Variants in STK39 observed in about 807,000 individuals in gnomAD.
STK39 encodes the protein STE20/SPS1-related proline-alanine-rich protein kinase.
Under a neutral mutation model 77.8 loss-of-function variants are expected in STK39, and 20 were observed. The ratio of observed to expected loss-of-function variants is 0.26; its 90% confidence interval spans 0.18 to 0.37. STK39 has a LOEUF of 0.37. STK39 is among the 10% of genes least tolerant of loss of function. STK39 has a pLI of 1.00. For synonymous variants in STK39, 246 were observed against 234.1 expected (o/e 1.05, Z -0.47); for missense variants, 479 against 656.5 (o/e 0.73, Z 2.95).
At chr2:168,182,239 T>C (rs1241136560) in intron 1 of STK39, 149 bp from the exon 2 acceptor site, 1 of 610,264 alleles carries the variant, frequency 1.6e-6, no homozygotes, top group Non-Finnish European at 2.8e-6. Flanking sequence ...TTAAAGAGTT[T>C]CTTAAATCCT....
At chr2:167,956,507 T>G (rs1375089493) in intron 17 of STK39, among the ~76,000 whole-genome samples, 1 of 148,048 alleles carries the variant, frequency 6.8e-6, no homozygotes, top group African/African-American at 2.5e-5. Flanking sequence ...GAGGTTGCAG[T>G]GAGCCGAGAT....
intron 10 of STK39, among the ~76,000 whole-genome samples, chr2:168,107,252 C>T (rs1004467705): frequency 3.9e-5 from 6 of 152,242 alleles, no homozygotes; most frequent in South Asian, 4.1e-4. Flanking sequence ...AATTCCCATA[C>T]GAATAACTTC....
chr2:168,045,642 T>C (rs1472435143), intron 14 of STK39, among the ~76,000 whole-genome samples: 3 of 152,176 alleles, frequency 2.0e-5, no homozygotes, highest in African/African-American at 2.4e-5. Context: ...CAGTGGATAT[T>C]AGGTGAATCT....
At chr2:168,096,849 C>T (rs191728500) in intron 10 of STK39, among the ~76,000 whole-genome samples, 4 of 151,912 alleles carry the variant, frequency 2.6e-5, no homozygotes, top group Admixed American at 2.6e-4. Context: ...AAACTTGTTC[C>T]ATATTTATAT....
intron 1 of STK39, among the ~76,000 whole-genome samples, chr2:168,243,355 C>T (rs991608968): frequency 6.6e-5 from 10 of 152,130 alleles, no homozygotes; most frequent in South Asian, 6.2e-4. Flanking sequence ...TAAAACGCAC[C>T]TGAATGGATA....
At chr2:168,140,627 G>A in intron 6 of STK39, 22 bp downstream of exon 6, 1 of 1,566,118 alleles carries the variant, frequency 6.4e-7, no homozygotes, top group Middle Eastern at 1.7e-4. Flanking sequence ...CCATCAAAAA[G>A]TCACTTTTTT....
chr2:167,984,670 G>A (rs114542604), intron 16 of STK39, among the ~76,000 whole-genome samples: 4,087 of 152,102 alleles, frequency 0.027, 197 homozygotes, highest in African/African-American at 0.091. Context: ...TCAAAGTTTG[G>A]GGAGGAAAAC....
chr2:167,988,094 C>T (rs13417858), intron 16 of STK39, among the ~76,000 whole-genome samples: 83,920 of 151,888 alleles, frequency 0.55, 24,427 homozygotes, highest in African/African-American at 0.66. Flanking sequence ...GGTGATTGTA[C>T]ACACAACCAC....
intron 1 of STK39, among the ~76,000 whole-genome samples, chr2:168,225,939 T>C (rs1264399797): frequency 6.6e-6 from 1 of 152,144 alleles, no homozygotes; most frequent in African/African-American, 2.4e-5. Flanking sequence ...TCTCAATCTT[T>C]GGGATTAAGA....
intron 1 of STK39, among the ~76,000 whole-genome samples, chr2:168,226,162 C>T (rs758877584): frequency 1.3e-5 from 2 of 152,138 alleles, no homozygotes; most frequent in Non-Finnish European, 2.9e-5. Flanking sequence ...AAAGCAAACA[C>T]ATGCTGATTG....
intron 1 of STK39, among the ~76,000 whole-genome samples, chr2:168,186,539 G>A (rs532422016): frequency 1.1e-4 from 17 of 152,172 alleles, no homozygotes; most frequent in Admixed American, 2.0e-4. Context: ...AGGTTAGTAG[G>A]AGCCTTGAAA....
intron 16 of STK39, among the ~76,000 whole-genome samples, chr2:167,984,793 A>G (rs1683515682): frequency 6.6e-6 from 1 of 152,198 alleles, no homozygotes; most frequent in Non-Finnish European, 1.5e-5. Flanking sequence ...ATACACTTAA[A>G]ATAATAAATA....
intron 14 of STK39, among the ~76,000 whole-genome samples, chr2:168,017,410 G>GTT (rs1304800008): frequency 8.3e-6 from 1 of 120,334 alleles, no homozygotes; most frequent in African/African-American, 3.3e-5. Flanking sequence ...TTGAGACAGA[G>GTT]TTTCGCTCTT....
intron 14 of STK39, among the ~76,000 whole-genome samples, chr2:168,050,065 G>T (rs1685354687): frequency 6.6e-6 from 1 of 152,160 alleles, no homozygotes; most frequent in Non-Finnish European, 1.5e-5. Flanking sequence ...ACTTCCATAT[G>T]ATTGTCTCAA....
chr2:168,158,092 A>T (rs1245374229), intron 5 of STK39, among the ~76,000 whole-genome samples: 1 of 152,138 alleles, frequency 6.6e-6, no homozygotes, highest in Non-Finnish European at 1.5e-5. Context: ...CAGGGCATCA[A>T]ATTGGAAGAT....
At chr2:167,976,017 C>G (rs1479128430) in intron 16 of STK39, among the ~76,000 whole-genome samples, 1 of 152,176 alleles carries the variant, frequency 6.6e-6, no homozygotes, top group African/African-American at 2.4e-5. Flanking sequence ...TTCCTTTATT[C>G]CCTCACAGAT....
intron 16 of STK39, among the ~76,000 whole-genome samples, chr2:167,969,227 C>T (rs1318355626): frequency 1.3e-5 from 2 of 152,304 alleles, no homozygotes; most frequent in Non-Finnish European, 2.9e-5. Flanking sequence ...TGGACAATTG[C>T]AATATCTTAT....
chr2:168,181,693 G>A (rs1465146610), intron 2 of STK39, among the ~76,000 whole-genome samples: 1 of 152,132 alleles, frequency 6.6e-6, no homozygotes, highest in Non-Finnish European at 1.5e-5. Context: ...CACAGTGTGT[G>A]CCCTTGATAC....
chr2:167,959,286 T>A (rs75839387), intron 17 of STK39, among the ~76,000 whole-genome samples: 1 of 143,284 alleles, frequency 7.0e-6, no homozygotes, highest in African/African-American at 2.6e-5. Flanking sequence ...GTCCAGGTAA[T>A]TTTTTTTTTT....
Sources: allele counts gnomAD v4.1 joint callset (sites outside exome capture counted in the v4.1 genomes callset), GRCh38; gene constraint gnomAD v4.1.1; transcripts MANE v1.5; gene names NCBI Gene and HGNC (gene_info 2026-07-23, HGNC 2026-07-21).